PAIP2B: variants seen among roughly 807,000 people sequenced by gnomAD.
PAIP2B encodes the protein poly(A) binding protein interacting protein 2B, also known as polyadenylate-binding protein-interacting protein 2B.
Under a neutral mutation model 17.0 loss-of-function variants are expected in PAIP2B, and 13 were observed. The observed-to-expected ratio is 0.76, with a 90% CI of 0.50 to 1.22. The LOEUF (loss-of-function observed/expected upper bound fraction) is 1.22, where lower values mean the gene tolerates loss of function less well. PAIP2B is among the 50% of genes most tolerant of loss of function. The pLI is 0.00. For synonymous variants in PAIP2B, 43 were observed against 48.7 expected, an observed-to-expected ratio of 0.88 and a Z score of 0.48; for missense variants, 117 against 144.5, an observed-to-expected ratio of 0.81 and a Z score of 0.98.
At chr2:71,223,443 T>A (rs1675642732) in intron 1 of PAIP2B, among the ~76,000 whole-genome samples, 1 of 145,190 alleles carries the variant, frequency 6.9e-6, no homozygotes, top group African/African-American at 2.5e-5. Flanking sequence ...AACACAGACT[T>A]TTTTTTTTTT....
Position 71,184,556 on chromosome 2 carries a change from A to C in PAIP2B, c.*3923T>G, listed in dbSNP as rs911230185. 2 of 152,174 alleles carry C rather than the reference A, an allele frequency of 1.3e-5. No homozygotes were observed. The highest frequency in any genetic ancestry group is 4.8e-5 in the African/African-American group (2 of 41,430). 9.4% of individuals were successfully genotyped at this position (152,174 alleles called of 1,614,324 possible). ...AGATTAAAACAAAGGAAAAAAACCC[A>C]AAAAAACTGTTTCCAAATTGTAACT... On this transcript the variant is annotated 3_prime_UTR_variant, in exon 4 of 4. Coordinates refer to ENST00000244221, the MANE Select transcript of PAIP2B (RefSeq NM_020459.1).
intron 2 of PAIP2B, among the ~76,000 whole-genome samples, chr2:71,198,446 C>G: frequency 6.6e-6 from 1 of 150,614 alleles, no homozygotes; most frequent in African/African-American, 2.4e-5. Flanking sequence ...CTACCACGCC[C>G]GGCTAATTTT....
At chr2:71,218,926 T>C (rs1675503631) in intron 1 of PAIP2B, among the ~76,000 whole-genome samples, 1 of 150,488 alleles carries the variant, frequency 6.6e-6, no homozygotes, top group African/African-American at 2.4e-5. Flanking sequence ...TTTCTTTTTT[T>C]TTTTTTTGAG....
chr2:71,215,038 AAAG>A, intron 1 of PAIP2B, among the ~76,000 whole-genome samples: 1 of 152,206 alleles, frequency 6.6e-6, no homozygotes, highest in East Asian at 1.9e-4. Context: ...CAAAAAAACA[AAAG>A]AAGGTCTTAA....
At chr2:71,194,184 T>A (rs1441767609) in intron 2 of PAIP2B, among the ~76,000 whole-genome samples, 1 of 152,224 alleles carries the variant, frequency 6.6e-6, no homozygotes, top group Non-Finnish European at 1.5e-5. Flanking sequence ...TTACTTATGA[T>A]TGCCTTGGCT....
Position 71,189,986 on chromosome 2 carries a change from G to C in PAIP2B, c.174C>G (p.Asp58Glu). ...CATCCAGCATCTCTTGGAAGCAGCG[G>C]TCCAAGAAGTCTTGCTCCTGCAGTT... ...EEELQEQDFL[D>E]RCFQEMLDEE... Residue 58 changes from aspartate (D) to glutamate (E), a missense_variant, in exon 3 of 4, where the codon GAC becomes GAG. Asp to Glu is a conservative substitution (Grantham distance 45, BLOSUM62 2). Transcript: ENST00000244221. 1 of 1,612,494 alleles carries C rather than the reference G, an allele frequency of 6.2e-7. No homozygotes were observed. The highest frequency in any genetic ancestry group is 8.5e-7 in the Non-Finnish European group (1 of 1,179,376).
chr2:71,217,838 G>C (rs575956141), intron 1 of PAIP2B, among the ~76,000 whole-genome samples: 3 of 102,574 alleles, frequency 2.9e-5, no homozygotes, highest in East Asian at 3.9e-4. Context: ...CAAGCCAAGG[G>C]GGGAGATTAC....
chr2:71,209,640 G>A (rs1675239497), intron 1 of PAIP2B, among the ~76,000 whole-genome samples: 1 of 152,116 alleles, frequency 6.6e-6, no homozygotes, highest in African/African-American at 2.4e-5. Flanking sequence ...CCCCCCAAGT[G>A]TAAGTTGGCC....
chr2:71,192,927 A>G (rs942841107), intron 2 of PAIP2B, among the ~76,000 whole-genome samples: 1 of 152,170 alleles, frequency 6.6e-6, no homozygotes, highest in Non-Finnish European at 1.5e-5. Flanking sequence ...TTTATGGTAG[A>G]ATGCTTTACA....
intron 1 of PAIP2B, among the ~76,000 whole-genome samples, chr2:71,203,597 A>G (rs1173580456): frequency 1.3e-5 from 2 of 151,978 alleles, no homozygotes; most frequent in Non-Finnish European, 2.9e-5. Context: ...ATCTTAAGAT[A>G]TGTTTACTGG....
In PAIP2B at chr2:71,185,373, T is replaced by C. The variant is rs1011422911; in HGVS notation, c.*3106A>G. 4 of 151,510 alleles carry C rather than the reference T, an allele frequency of 2.6e-5. No homozygotes were observed. Among genetic ancestry groups the C allele is most frequent in the Non-Finnish European group, 5.9e-5 (4 of 67,874 alleles). The allele number at this position is 151,510 out of a possible 1,614,324, so 9.4% of individuals were successfully genotyped here. On this transcript the variant is annotated 3_prime_UTR_variant, in exon 4 of 4. Coordinates refer to ENST00000244221, the MANE Select transcript of PAIP2B (RefSeq NM_020459.1). ...AACAATTCAAGAGTAGCTTGGGAAA[T>C]AGAGCAAGATCCAGTCTCTACAAAA...
chr2:71,203,913 A>T (rs1290709611), intron 1 of PAIP2B, among the ~76,000 whole-genome samples: 1 of 152,016 alleles, frequency 6.6e-6, no homozygotes, highest in East Asian at 1.9e-4. Context: ...ACCCATTTTG[A>T]TGTTTTTTGC....
chr2:71,212,509 C>A (rs932928416), intron 1 of PAIP2B, among the ~76,000 whole-genome samples: 19 of 152,236 alleles, frequency 1.2e-4, no homozygotes, highest in African/African-American at 4.3e-4. Context: ...GGGTTAGGAT[C>A]TGTAAGTGAG....
chr2:71,215,869 A>T (rs950221687), intron 1 of PAIP2B, among the ~76,000 whole-genome samples: 3 of 152,196 alleles, frequency 2.0e-5, no homozygotes, highest in African/African-American at 7.2e-5. Flanking sequence ...GTGTGTGTGT[A>T]TCTATGTGTT....
intron 1 of PAIP2B, among the ~76,000 whole-genome samples, chr2:71,210,323 T>C (rs893599343): frequency 6.6e-6 from 1 of 152,162 alleles, no homozygotes; most frequent in African/African-American, 2.4e-5. Context: ...TATATGAAAA[T>C]TTTTTAAAAG....
At position 71,185,129 on chromosome 2, in the gene PAIP2B, C is replaced by T. The variant is rs1272715623; in HGVS notation, c.*3350G>A. 6.6e-6 allele frequency: 1 copy of T among 152,152 alleles called. No homozygotes were observed. Among genetic ancestry groups the T allele is most frequent in the South Asian group, 2.1e-4 (1 of 4,824 alleles). 9.4% of individuals were successfully genotyped at this position (152,152 alleles called of 1,614,324 possible). On this transcript the variant is annotated 3_prime_UTR_variant, in exon 4 of 4. Transcript: ENST00000244221. ...CTTCACACAACTTTCCTCTCTAACA[C>T]GTGTTAATTATCAGAGTATTCACCT...
chr2:71,208,739 T>C (rs537111534), intron 1 of PAIP2B, among the ~76,000 whole-genome samples: 1 of 152,176 alleles, frequency 6.6e-6, no homozygotes, highest in East Asian at 1.9e-4. Flanking sequence ...ATGATAGGTA[T>C]ATAAGAGAAA....
intron 1 of PAIP2B, among the ~76,000 whole-genome samples, chr2:71,213,866 G>A (rs1176269167): frequency 6.6e-6 from 1 of 152,124 alleles, no homozygotes; most frequent in East Asian, 1.9e-4. Context: ...AAATACAAGG[G>A]GGAAAGGACA....
intron 1 of PAIP2B, among the ~76,000 whole-genome samples, chr2:71,212,012 C>G (rs947177148): frequency 1.3e-5 from 2 of 152,158 alleles, no homozygotes; most frequent in Non-Finnish European, 2.9e-5. Context: ...TGGTCCTTGA[C>G]TTCTCCAGAT....
Sources: gnomAD v4.1 joint callset for allele counts (sites outside exome capture counted in the v4.1 genomes callset) on GRCh38, gnomAD v4.1.1 for gene constraint, MANE v1.5 for transcripts, NCBI Gene and HGNC (gene_info 2026-07-23, HGNC 2026-07-21) for gene names.